The following BCOR variants were observed in gnomAD, a reference collection of about 807,000 sequenced individuals.
BCOR encodes the protein BCL-6 corepressor.
A neutral mutation model predicts 86.7 loss-of-function variants in BCOR; 10 were observed. That is an observed-to-expected ratio of 0.12 (90% CI 0.07 to 0.20). BCOR has a LOEUF of 0.20. Ranked by LOEUF, BCOR falls within the 10% of genes least tolerant of loss-of-function variation. The pLI is 1.00. For synonymous variants in BCOR, 611 were observed against 609.0 expected, an observed-to-expected ratio of 1.00 and a Z score of -0.05; for missense variants, 1,259 against 1,452.1, an observed-to-expected ratio of 0.87 and a Z score of 2.16.
chrX:40,119,408 T>A (rs1171173712), intron 1 of BCOR, among the ~76,000 whole-genome samples: 1 of 110,633 alleles, frequency 9.0e-6, no homozygotes, highest in Non-Finnish European at 1.9e-5. Flanking sequence ...TGCAGTGGCT[T>A]GCTCCTGTAA....
chrX:40,139,425 CAT>C (rs1156368166), intron 1 of BCOR, among the ~76,000 whole-genome samples: 121 of 1,027 alleles, frequency 0.12, 26 homozygotes, highest in East Asian at 0.25. Flanking sequence ...AATATATATA[CAT>C]ATATATATAT....
intron 1 of BCOR, among the ~76,000 whole-genome samples, chrX:40,103,102 G>GT (rs1937102343): frequency 9.9e-6 from 1 of 100,783 alleles, no homozygotes; most frequent in African/African-American, 4.5e-5. Flanking sequence ...GGGGGGTGGG[G>GT]TGGGGGGGCT....
intron 1 of BCOR, among the ~76,000 whole-genome samples, chrX:40,106,496 C>A (rs1371054831): frequency 9.0e-6 from 1 of 111,083 alleles, no homozygotes; most frequent in African/African-American, 3.3e-5. Context: ...GCCGACGACT[C>A]GGCGGGTGAC....
intron 8 of BCOR, 32 bp from the exon 9 acceptor site, chrX:40,063,103 C>CGGGT: frequency 2.2e-6 from 1 of 459,664 alleles, no homozygotes. Flanking sequence ...GGGTGGCGGG[C>CGGGT]GGATGGGAGA....
rs747038834 is a variant in BCOR at position 40,074,282 on chromosome X, G to A, written c.1064C>T (p.Ser355Leu). 2.9e-5 allele frequency: 35 copies of A among 1,210,690 alleles called. No individual in the cohort carries two copies. Among genetic ancestry groups the A allele is most frequent in the Admixed American group, 4.4e-5 (2 of 45,932 alleles). ...LPTQPAADTY[S>L]EFHKHYARIS... ...CCTGGCATAGTGCTTGTGGAACTCC[G>A]AGTAGGTGTCTGCAGCAGGCTGGGT... Residue 355 changes from serine (S) to leucine (L), a missense_variant, in exon 4 of 15, where the codon TCG (serine) becomes TTG (leucine). By Grantham distance (145) the Ser-to-Leu change is moderately radical (BLOSUM62 -2). Around this residue, in one of 7 missense-constraint regions of BCOR, gnomAD observed 534 missense variants for 594.8 expected, o/e 0.90. Coordinates refer to ENST00000378444, the MANE Select transcript of BCOR (RefSeq NM_001123385.2).
intron 1 of BCOR, among the ~76,000 whole-genome samples, chrX:40,083,385 C>T (rs975583467): frequency 8.9e-6 from 1 of 111,953 alleles, no homozygotes; most frequent in Non-Finnish European, 1.9e-5. Context: ...CTCCAAGCCA[C>T]AGCCTTAGCC....
At chrX:40,081,887 G>A (rs973332865) in intron 1 of BCOR, among the ~76,000 whole-genome samples, 4 of 112,385 alleles carry the variant, frequency 3.6e-5, no homozygotes, top group African/African-American at 1.3e-4. Flanking sequence ...GAACACCCAG[G>A]GCCAAGTGGA....
chrX:40,163,663 G>C (rs1474736018), intron 1 of BCOR, among the ~76,000 whole-genome samples: 1 of 98,184 alleles, frequency 1.0e-5, no homozygotes, highest in African/African-American at 3.9e-5. Flanking sequence ...CCTTCCCCTT[G>C]AATCTGGATG....
intron 1 of BCOR, among the ~76,000 whole-genome samples, chrX:40,120,139 C>T (rs1045595165): frequency 3.6e-5 from 4 of 111,499 alleles, no homozygotes; most frequent in Admixed American, 2.8e-4. Flanking sequence ...CTAGGCATGG[C>T]CCAGGCTTCC....
intron 1 of BCOR, among the ~76,000 whole-genome samples, chrX:40,134,282 G>C (rs1045783167): frequency 1.8e-5 from 2 of 110,279 alleles, no homozygotes; most frequent in Admixed American, 9.7e-5. Context: ...CTTGAAGTCT[G>C]ATCCAGATTT....
chrX:40,105,684 T>C (rs1336555322), intron 1 of BCOR, among the ~76,000 whole-genome samples: 2 of 112,417 alleles, frequency 1.8e-5, no homozygotes, highest in Admixed American at 1.9e-4. Flanking sequence ...AGAGGCTGCC[T>C]ACTGTTGTGT....
intron 1 of BCOR, among the ~76,000 whole-genome samples, chrX:40,175,909 C>T (rs752472534): frequency 6.1e-4 from 69 of 112,793 alleles, no homozygotes; most frequent in Middle Eastern, 4.6e-3. Flanking sequence ...GTGGGTTTCC[C>T]GTCCGAGGCC....
chrX:40,087,352 G>T (rs1464555535), intron 1 of BCOR, among the ~76,000 whole-genome samples: 1 of 113,010 alleles, frequency 8.8e-6, no homozygotes, highest in Non-Finnish European at 1.9e-5. Context: ...ACGCCTAATC[G>T]GTCCTTAAAT....
At position 40,062,673 on chromosome X, in the gene BCOR, C is replaced by T. The variant is rs999028025; in HGVS notation, c.4173+73G>A. ...GTCCAGGAAAAGGAAAGCTTTGTCC[C>T]CTCAAGCTGGGAAGCAGGCAGGCGG... On this transcript the variant is annotated intron_variant, in intron 9 of 14. Coordinates refer to ENST00000378444, the MANE Select transcript of BCOR (RefSeq NM_001123385.2). 20 of 1,017,991 alleles carry T rather than the reference C, an allele frequency of 2.0e-5. No individual in the cohort carries two copies. In the South Asian group the frequency reaches 3.8e-4, roughly 19 times the overall value. The allele number at this position is 1,017,991 out of a possible 1,213,427, so 83.9% of individuals were successfully genotyped here.
intron 1 of BCOR, among the ~76,000 whole-genome samples, chrX:40,105,537 C>G (rs1937162218): frequency 8.9e-6 from 1 of 111,955 alleles, no homozygotes; most frequent in African/African-American, 3.2e-5. Flanking sequence ...TGTCCCTGTC[C>G]CTCTGCTACC....
In BCOR at chrX:40,072,481, C is replaced by T. The variant is rs763297427; in HGVS notation, c.2865G>A (p.Leu955=). The change falls in exon 4 of 15, where the codon CTG becomes CTA. Residue 955 remains leucine (L), a synonymous_variant. Transcript: ENST00000378444. ...TTGCCAGCTTAGATGGCTTCGGTTT[C>T]AGAACTTTGCCATCATTTGATTCAG... The part of the protein sequence containing the change: ...DEAESNDGKV[L]KPKPSKLAKR... 8.3e-6 allele frequency: 10 copies of T among 1,211,947 alleles called. No individual in the cohort carries two copies. Among genetic ancestry groups the T allele is most frequent in the South Asian group, 5.3e-5 (3 of 56,999 alleles).
Position 40,052,005 on chromosome X carries a change from T to C in BCOR, c.*104A>G. 1.3e-6 allele frequency: 1 copy of C among 745,730 alleles called. No homozygotes were observed. The highest frequency in any genetic ancestry group is 1.8e-6 in the Non-Finnish European group (1 of 541,866). 61.5% of individuals were successfully genotyped at this position (745,730 alleles called of 1,213,427 possible). On this transcript the variant is annotated 3_prime_UTR_variant, in exon 15 of 15. Transcript: ENST00000378444. The stretch of plus-strand genomic sequence containing the variant: ...TTTCTCTTATATAAAGAAGAGATAT[T>C]TTCATATGTAATAGTGTCCTTTCTT...
At chrX:40,066,927 C>G (rs990522410) in intron 6 of BCOR, among the ~76,000 whole-genome samples, 1 of 96,297 alleles carries the variant, frequency 1.0e-5, no homozygotes, top group Non-Finnish European at 2.1e-5. Context: ...AGACACCCCC[C>G]CCCCCCCATC....
rs985532668 is a variant in BCOR at position 40,077,549 on chromosome X, A to T, written c.86+295T>A. ...TGCTCCACCTGGGCCCACACTCCTG[A>T]CATTTAGAGTTAAAGCAGTATATAG... On this transcript the variant is annotated intron_variant, in intron 2 of 14. Transcript: ENST00000378444. The T allele has an allele frequency of 7.4e-5, 25 of 339,364 alleles. 1 individual carries two copies. Among genetic ancestry groups the T allele is most frequent in the Middle Eastern group, 8.4e-4 (1 of 1,184 alleles). The allele number at this position is 339,364 out of a possible 1,213,427, so 28.0% of individuals were successfully genotyped here.
Sources: gnomAD v4.1 joint callset for allele counts (sites outside exome capture counted in the v4.1 genomes callset) on GRCh38, gnomAD v4.1.1 for gene constraint, gnomAD v4.1.1 regional missense constraint, MANE v1.5 for transcripts, NCBI Gene and HGNC (gene_info 2026-07-23, HGNC 2026-07-21) for gene names.